Variants in CTNNA3 observed in about 807,000 individuals in gnomAD.
The protein encoded by CTNNA3 is catenin alpha-3.
A neutral mutation model predicts 95.7 loss-of-function variants in CTNNA3; 76 were observed. That is an observed-to-expected ratio of 0.79 (90% CI 0.66 to 0.96). The LOEUF (loss-of-function observed/expected upper bound fraction) is 0.96, where lower values mean the gene tolerates loss of function less well. Among genes scored for constraint, CTNNA3 ranks in the 40% least tolerant of loss-of-function variants. The probability of loss-of-function intolerance (pLI) is 0.00; values close to 1 mark genes in which losing one functional copy is unlikely to be tolerated. For synonymous variants in CTNNA3, 431 were observed against 374.4 expected (o/e 1.15, Z -1.74); for missense variants, 1,191 against 1,089.8 (o/e 1.09, Z -1.31).
intron 7 of CTNNA3, among the ~76,000 whole-genome samples, chr10:67,056,554 G>A (rs1855442971): frequency 6.6e-6 from 1 of 152,078 alleles, no homozygotes; most frequent in African/African-American, 2.4e-5. Flanking sequence ...TCAAAGGACA[G>A]GTTTGAATAC....
At chr10:66,519,762 C>T (rs1412666060) in intron 11 of CTNNA3, among the ~76,000 whole-genome samples, 1 of 152,138 alleles carries the variant, frequency 6.6e-6, no homozygotes. Context: ...ATGTATAAAA[C>T]TAAGCTGTGC....
intron 13 of CTNNA3, among the ~76,000 whole-genome samples, chr10:66,228,898 T>C (rs1342083148): frequency 5.9e-5 from 9 of 152,168 alleles, no homozygotes; most frequent in Admixed American, 2.6e-4. Context: ...AATAACTTTG[T>C]CTCTTTTAAT....
chr10:66,652,358 T>C (rs2132418331), intron 9 of CTNNA3, among the ~76,000 whole-genome samples: 1 of 152,194 alleles, frequency 6.6e-6, no homozygotes, highest in Non-Finnish European at 1.5e-5. Context: ...AAGACACTAT[T>C]ATGAATAATT....
rs61603392 is a variant in CTNNA3 at position 67,143,425 on chromosome 10, T to TAAAAAA, written c.1047+36886_1047+36891dup. On this transcript the variant is annotated intron_variant, in intron 7 of 17. Transcript: ENST00000433211. ...TGGGTGACTGAGCAAGGCTCTGTCT[T>TAAAAAA]AAAAAAAAAAAAAAAAAAAAAATTA... 5.0e-3 allele frequency among the ~76,000 whole-genome samples: 380 copies of TAAAAAA among 75,976 alleles called. 47 individuals are homozygous for TAAAAAA. Among genetic ancestry groups the TAAAAAA allele is most frequent in the Non-Finnish European group, 3.0e-3 (114 of 38,032 alleles). The allele number at this position is 75,976 out of a possible 152,430, so 49.8% of individuals were successfully genotyped here.
At chr10:65,931,522 C>T (rs927923877) in intron 17 of CTNNA3, among the ~76,000 whole-genome samples, 6 of 151,624 alleles carry the variant, frequency 4.0e-5, no homozygotes, top group Non-Finnish European at 7.4e-5. Flanking sequence ...AGGTTGTTAT[C>T]TCAGATGTGA....
intron 15 of CTNNA3, among the ~76,000 whole-genome samples, chr10:66,066,303 T>C (rs1428305802): frequency 1.3e-5 from 2 of 152,210 alleles, no homozygotes; most frequent in Non-Finnish European, 2.9e-5. Flanking sequence ...AAAATCCAAC[T>C]ACTAAAACAT....
chr10:66,739,985 AC>A (rs767292283), intron 9 of CTNNA3, among the ~76,000 whole-genome samples: 1 of 152,194 alleles, frequency 6.6e-6, no homozygotes, highest in Non-Finnish European at 1.5e-5. Context: ...GTGCAAGATA[AC>A]GTGGGAATGG....
intron 4 of CTNNA3, among the ~76,000 whole-genome samples, chr10:67,522,999 A>G (rs1453210369): frequency 6.6e-6 from 1 of 152,170 alleles, no homozygotes. Flanking sequence ...GGCTAATAAG[A>G]TTTTATAGAA....
At chr10:66,399,815 T>C (rs913469864) in intron 11 of CTNNA3, among the ~76,000 whole-genome samples, 1 of 152,018 alleles carries the variant, frequency 6.6e-6, no homozygotes, top group African/African-American at 2.4e-5. Context: ...TGTTAATTTT[T>C]ATAATTTGCT....
At chr10:66,463,800 G>A (rs1330806134) in intron 11 of CTNNA3, among the ~76,000 whole-genome samples, 1 of 152,012 alleles carries the variant, frequency 6.6e-6, no homozygotes, top group African/African-American at 2.4e-5. Flanking sequence ...GTAGGCTTTG[G>A]GAGAGCTTAA....
chr10:67,197,450 A>AT (rs1455928811), intron 6 of CTNNA3, among the ~76,000 whole-genome samples: 2 of 152,100 alleles, frequency 1.3e-5, no homozygotes, highest in Non-Finnish European at 2.9e-5. Flanking sequence ...ATAGTAGAGC[A>AT]TTAAAAAAAA....
At chr10:66,543,141 T>TC (rs1253471341) in intron 10 of CTNNA3, among the ~76,000 whole-genome samples, 1 of 152,028 alleles carries the variant, frequency 6.6e-6, no homozygotes, top group Non-Finnish European at 1.5e-5. Flanking sequence ...CAGGCTAGAG[T>TC]TCAATGGCGC....
At chr10:67,213,481 C>T (rs1444674021) in intron 6 of CTNNA3, among the ~76,000 whole-genome samples, 2 of 150,982 alleles carry the variant, frequency 1.3e-5, no homozygotes, top group African/African-American at 4.9e-5. Flanking sequence ...TAATTTTTTC[C>T]TTCTGGGTTT....
At chr10:67,155,300 A>G (rs1441773985) in intron 7 of CTNNA3, among the ~76,000 whole-genome samples, 1 of 152,230 alleles carries the variant, frequency 6.6e-6, no homozygotes, top group African/African-American at 2.4e-5. Flanking sequence ...CCTTGGTGCC[A>G]TCATTAATTC....
intron 7 of CTNNA3, among the ~76,000 whole-genome samples, chr10:67,094,444 T>C (rs1857843900): frequency 6.6e-6 from 1 of 151,876 alleles, no homozygotes; most frequent in Non-Finnish European, 1.5e-5. Context: ...AAACATCTAG[T>C]AAATTATTAT....
chr10:66,567,862 A>C (rs1589432770), intron 10 of CTNNA3, among the ~76,000 whole-genome samples: 1 of 152,292 alleles, frequency 6.6e-6, no homozygotes, highest in East Asian at 1.9e-4. Flanking sequence ...GTGCCCCAGC[A>C]CAGCAGTTCT....
At chr10:67,482,829 T>A (rs1418023291) in intron 5 of CTNNA3, among the ~76,000 whole-genome samples, 1 of 152,118 alleles carries the variant, frequency 6.6e-6, no homozygotes, top group East Asian at 1.9e-4. Context: ...CTTGTGCCAG[T>A]TTTCAAAGGG....
At chr10:66,020,668 A>ATT (rs10687414) in intron 15 of CTNNA3, among the ~76,000 whole-genome samples, 15,266 of 136,644 alleles carry the variant, frequency 0.11, 1,075 homozygotes, top group Non-Finnish European at 0.14. Flanking sequence ...GATGATCTGA[A>ATT]TTTTTTTTTT....
chr10:66,108,258 A>C (rs538509737), intron 13 of CTNNA3, among the ~76,000 whole-genome samples: 1 of 152,312 alleles, frequency 6.6e-6, no homozygotes, highest in African/African-American at 2.4e-5. Flanking sequence ...CAAACACTGA[A>C]GTTCCTGCCC....
Sources: allele counts gnomAD v4.1 joint callset (sites outside exome capture counted in the v4.1 genomes callset), GRCh38; gene constraint gnomAD v4.1.1; transcripts MANE v1.5; gene names NCBI Gene and HGNC (gene_info 2026-07-23, HGNC 2026-07-21).